The following SLIT3 variants were observed in gnomAD, a reference collection of about 807,000 sequenced individuals.
SLIT3 encodes slit guidance ligand 3.
A neutral mutation model predicts 184.0 loss-of-function variants in SLIT3; 68 were observed. The ratio of observed to expected loss-of-function variants is 0.37; its 90% confidence interval spans 0.30 to 0.45. SLIT3 has a LOEUF of 0.45. Ranked by LOEUF, SLIT3 falls within the 20% of genes least tolerant of loss-of-function variation. The probability of loss-of-function intolerance (pLI) is 1.00; values close to 1 mark genes in which losing one functional copy is unlikely to be tolerated. For synonymous variants in SLIT3, 831 were observed against 828.6 expected (o/e 1.00, Z -0.05); for missense variants, 1,707 against 2,026.0 (o/e 0.84, Z 3.02).
chr5:168,841,255 T>A (rs1243323283), intron 6 of SLIT3, among the ~76,000 whole-genome samples: 1 of 152,222 alleles, frequency 6.6e-6, no homozygotes, highest in Non-Finnish European at 1.5e-5. Context: ...GATGGGCTAC[T>A]TTTTTTGTAA....
chr5:169,170,388 C>T (rs1424895899), intron 4 of SLIT3, among the ~76,000 whole-genome samples: 1 of 152,194 alleles, frequency 6.6e-6, no homozygotes, highest in Non-Finnish European at 1.5e-5. Context: ...GCCTGCTCTT[C>T]CTCCTGAGGA....
rs75888322 is a variant in SLIT3 at position 168,780,187 on chromosome 5, T to C, written c.1151+5720A>G. Among the ~76,000 whole-genome samples the C allele has an allele frequency of 2.6e-3, 390 of 152,394 alleles. 1 individual carries two copies. The highest frequency in any genetic ancestry group is 9.1e-3 in the African/African-American group (380 of 41,596). On this transcript the variant is annotated intron_variant, in intron 12 of 35. Coordinates refer to ENST00000519560, the MANE Select transcript of SLIT3 (RefSeq NM_003062.4). ...AAGGGTCTGTGGAGGACATGGGTTA[T>C]GTTGCCCCTCCCACTTCTATGGTAT...
At chr5:169,223,399 C>T (rs566615139) in intron 3 of SLIT3, among the ~76,000 whole-genome samples, 1 of 152,336 alleles carries the variant, frequency 6.6e-6, no homozygotes, top group East Asian at 1.9e-4. Context: ...ACCAAGGAAC[C>T]TCTGTTAGAA....
At chr5:168,863,959 C>T (rs918741103) in intron 5 of SLIT3, among the ~76,000 whole-genome samples, 13 of 151,290 alleles carry the variant, frequency 8.6e-5, no homozygotes, top group Admixed American at 7.9e-4. Context: ...TAGCTCATGC[C>T]TGTAATTTCA....
intron 4 of SLIT3, among the ~76,000 whole-genome samples, chr5:169,037,362 G>A (rs1201078301): frequency 3.9e-5 from 6 of 152,168 alleles, no homozygotes; most frequent in African/African-American, 1.2e-4. Flanking sequence ...TGGAGACAAT[G>A]GCCATTACCC....
chr5:168,855,592 C>T (rs1421223941), intron 5 of SLIT3, among the ~76,000 whole-genome samples: 2 of 152,190 alleles, frequency 1.3e-5, no homozygotes, highest in Non-Finnish European at 2.9e-5. Flanking sequence ...CTCTTGAAAA[C>T]ATTACGCTAA....
intron 3 of SLIT3, among the ~76,000 whole-genome samples, chr5:169,243,298 G>A (rs1765465506): frequency 6.6e-6 from 1 of 152,114 alleles, no homozygotes; most frequent in Non-Finnish European, 1.5e-5. Flanking sequence ...TCATTTTTCT[G>A]TAGAAATGCT....
chr5:169,077,438 C>G (rs1459948122), intron 4 of SLIT3, among the ~76,000 whole-genome samples: 4 of 151,996 alleles, frequency 2.6e-5, no homozygotes, highest in Non-Finnish European at 5.9e-5. Context: ...ACTTGGGAAG[C>G]TGAGGCAGGA....
intron 4 of SLIT3, among the ~76,000 whole-genome samples, chr5:168,886,592 G>A (rs1760225049): frequency 6.6e-6 from 1 of 152,200 alleles, no homozygotes; most frequent in African/African-American, 2.4e-5. Context: ...GCTGAGGAGG[G>A]CAGACATGCT....
chr5:168,691,339 T>C (rs1343403432), intron 29 of SLIT3, among the ~76,000 whole-genome samples: 1 of 152,266 alleles, frequency 6.6e-6, no homozygotes, highest in Non-Finnish European at 1.5e-5. Flanking sequence ...TCTAAGATTC[T>C]GTGATTGGGC....
chr5:168,695,813 T>A (rs1336875882), intron 28 of SLIT3, among the ~76,000 whole-genome samples: 1 of 152,190 alleles, frequency 6.6e-6, no homozygotes, highest in East Asian at 1.9e-4. Flanking sequence ...GTTCTCTTTC[T>A]AATGAATCCA....
At chr5:169,014,771 T>G (rs947752957) in intron 4 of SLIT3, among the ~76,000 whole-genome samples, 5 of 152,122 alleles carry the variant, frequency 3.3e-5, no homozygotes. Context: ...ACCAATATGG[T>G]GAAACCCTGT....
chr5:168,889,534 G>A (rs1326084846), intron 4 of SLIT3, among the ~76,000 whole-genome samples: 1 of 152,184 alleles, frequency 6.6e-6, no homozygotes, highest in African/African-American at 2.4e-5. Context: ...GTTCCCTTGA[G>A]GTTAAAAAGT....
chr5:168,945,360 C>A (rs1762441792), intron 4 of SLIT3, among the ~76,000 whole-genome samples: 1 of 152,000 alleles, frequency 6.6e-6, no homozygotes, highest in Non-Finnish European at 1.5e-5. Context: ...GCCTCAGCTT[C>A]CCAAGTAGCT....
intron 10 of SLIT3, among the ~76,000 whole-genome samples, chr5:168,792,528 A>G (rs1756414093): frequency 6.6e-6 from 1 of 152,226 alleles, no homozygotes; most frequent in South Asian, 2.1e-4. Context: ...TAGCTTTTCC[A>G]GACTGTTCAG....
intron 1 of SLIT3, among the ~76,000 whole-genome samples, chr5:169,272,948 G>A (rs12521978): frequency 0.064 from 9,813 of 152,216 alleles, 471 homozygotes; most frequent in East Asian, 0.26. Context: ...TGGGAGCCCA[G>A]GCATGACCTT....
At chr5:168,719,926 T>C (rs1442874524) in intron 23 of SLIT3, 1 of 152,174 alleles carries the variant, frequency 6.6e-6, no homozygotes, top group Non-Finnish European at 1.5e-5. Context: ...CTTTTTTTTT[T>C]CTTTTGAGAC....
At chr5:169,094,927 A>C (rs1236424871) in intron 4 of SLIT3, among the ~76,000 whole-genome samples, 1 of 152,212 alleles carries the variant, frequency 6.6e-6, no homozygotes, top group Admixed American at 6.5e-5. Flanking sequence ...ACTATCTGGC[A>C]CTTCATAGAG....
At chr5:168,944,057 C>T (rs921958820) in intron 4 of SLIT3, among the ~76,000 whole-genome samples, 1 of 152,062 alleles carries the variant, frequency 6.6e-6, no homozygotes, top group Non-Finnish European at 1.5e-5. Context: ...ATGCACAGTC[C>T]CCATCCTAGG....
Sources: allele counts gnomAD v4.1 joint callset (sites outside exome capture counted in the v4.1 genomes callset), GRCh38; gene constraint gnomAD v4.1.1; transcripts MANE v1.5; gene names NCBI Gene and HGNC (gene_info 2026-07-23, HGNC 2026-07-21).